TGFBR3: variants seen among roughly 807,000 people sequenced by gnomAD.
TGFBR3 encodes transforming growth factor beta receptor type 3.
Under a neutral mutation model 87.9 loss-of-function variants are expected in TGFBR3, and 46 were observed. The observed-to-expected ratio is 0.52, with a 90% confidence interval of 0.41 to 0.67. The LOEUF (loss-of-function observed/expected upper bound fraction) is 0.67. Among genes scored for constraint, TGFBR3 ranks in the 30% least tolerant of loss-of-function variants. The pLI, the probability that TGFBR3 is intolerant of heterozygous loss-of-function variation, is 0.00. For missense variants in TGFBR3, 866 were observed against 1,041.9 expected (o/e 0.83, Z 2.32); for synonymous variants, 381 against 391.6 (o/e 0.97, Z 0.32).
At chr1:91,890,152 G>C (rs1392739165), upstream of TGFBR3, among the ~76,000 whole-genome samples, 1 of 152,078 alleles carries the variant, frequency 6.6e-6, no homozygotes, top group Admixed American at 6.6e-5. Context: ...TAAGCAGGGG[G>C]GTGAAATTGA....
At chr1:91,770,830 A>C (rs1274491393) in intron 3 of TGFBR3, 3 of 152,238 alleles carry the variant, frequency 2.0e-5, no homozygotes, top group African/African-American at 7.2e-5. Flanking sequence ...TGTGATGTGT[A>C]CACATACTTA....
intron 3 of TGFBR3, among the ~76,000 whole-genome samples, chr1:91,777,399 T>C (rs1041761627): frequency 4.6e-5 from 7 of 152,194 alleles, no homozygotes; most frequent in Admixed American, 2.6e-4. Context: ...ACATATTTCA[T>C]ACTCAACTCG....
intron 1 of TGFBR3, among the ~76,000 whole-genome samples, chr1:91,870,152 A>G (rs1247659796): frequency 6.6e-6 from 1 of 152,208 alleles, no homozygotes; most frequent in African/African-American, 2.4e-5. Context: ...GCACACAAAA[A>G]ACCTGAATTT....
At chr1:91,807,696 C>G (rs284156) in intron 2 of TGFBR3, among the ~76,000 whole-genome samples, 57,656 of 152,010 alleles carry the variant, frequency 0.38, 11,322 homozygotes, top group South Asian at 0.44. Flanking sequence ...CTGCAGCCCT[C>G]TGAGGAAGTG....
intron 1 of TGFBR3, among the ~76,000 whole-genome samples, chr1:91,904,019 CA>C (rs954939008): frequency 2.8e-4 from 43 of 151,614 alleles, no homozygotes; most frequent in African/African-American, 1.0e-3. Context: ...ACTAAAAATA[CA>C]AAAAAAATTA....
intron 1 of TGFBR3, among the ~76,000 whole-genome samples, chr1:91,864,596 G>C (rs1468484888): frequency 3.3e-5 from 5 of 152,174 alleles, no homozygotes; most frequent in African/African-American, 1.2e-4. Context: ...AATCTCCCCA[G>C]TGTGGTGAAA....
chr1:91,685,073 T>C (rs2100685955), intron 16 of TGFBR3, among the ~76,000 whole-genome samples: 1 of 152,284 alleles, frequency 6.6e-6, no homozygotes, highest in Admixed American at 6.5e-5. Context: ...AAAGCCTCTG[T>C]GAAAAAAGCA....
At chr1:91,844,305 T>C (rs145183259) in intron 2 of TGFBR3, among the ~76,000 whole-genome samples, 64 of 152,298 alleles carry the variant, frequency 4.2e-4, no homozygotes, top group African/African-American at 1.5e-3. Flanking sequence ...TTCATCATTA[T>C]TAATGAAGAG....
rs751156484 is a variant in TGFBR3, at chr1:91,683,667, T to C, written c.*72A>G. On this transcript the variant is annotated 3_prime_UTR_variant, in exon 17 of 17. Coordinates refer to ENST00000212355, the MANE Select transcript of TGFBR3 (RefSeq NM_003243.5). ...TGAGTCTGGACACGAGGCTCAGCCA[T>C]TGGTCCTGCCCTTGGCAGTAGCTGA... The C allele has an allele frequency of 1.7e-5, 22 of 1,269,272 alleles. No homozygotes were observed. The highest frequency in any genetic ancestry group is 2.2e-5 in the Non-Finnish European group (20 of 909,352). 78.6% of individuals were successfully genotyped at this position (1,269,272 alleles called of 1,614,324 possible).
chr1:91,750,816 C>T (rs1673514051), intron 4 of TGFBR3, among the ~76,000 whole-genome samples: 1 of 152,216 alleles, frequency 6.6e-6, no homozygotes, highest in African/African-American at 2.4e-5. Context: ...ACCCATTTGC[C>T]ACATGCTGTT....
chr1:91,768,766 G>A (rs1674272695), intron 3 of TGFBR3, among the ~76,000 whole-genome samples: 1 of 152,158 alleles, frequency 6.6e-6, no homozygotes, highest in East Asian at 1.9e-4. Flanking sequence ...TTCCTGTACT[G>A]CCTGGAGAAT....
At chr1:91,708,810 A>C (rs1671886450) in intron 13 of TGFBR3, 27 bp from the exon 14 acceptor site, 1 of 1,612,626 alleles carries the variant, frequency 6.2e-7, no homozygotes, top group Non-Finnish European at 8.5e-7. Context: ...CAAAGCACAG[A>C]ATCAGGGGCC....
intron 11 of TGFBR3, 55 bp downstream of exon 11, chr1:91,716,513 G>A (rs1672177617): frequency 1.2e-6 from 2 of 1,614,018 alleles, no homozygotes; most frequent in Non-Finnish European, 1.7e-6. Flanking sequence ...CCTAACTAAA[G>A]CCAACAAAAT....
intron 2 of TGFBR3, among the ~76,000 whole-genome samples, chr1:91,849,509 T>C (rs961520714): frequency 4.6e-5 from 7 of 152,212 alleles, no homozygotes; most frequent in African/African-American, 1.7e-4. Context: ...TGCTCAATGT[T>C]CCTAGTGAAG....
intron 2 of TGFBR3, among the ~76,000 whole-genome samples, chr1:91,816,491 T>C (rs1044083625): frequency 2.0e-5 from 3 of 152,210 alleles, no homozygotes; most frequent in African/African-American, 7.2e-5. Context: ...TTGGATAACA[T>C]ATTATTTTGT....
intron 3 of TGFBR3, among the ~76,000 whole-genome samples, chr1:91,794,643 G>A (rs981130654): frequency 2.0e-5 from 3 of 152,158 alleles, no homozygotes; most frequent in African/African-American, 7.2e-5. Context: ...GGAATCATAT[G>A]ATATGTGGTC....
intron 1 of TGFBR3, among the ~76,000 whole-genome samples, chr1:91,884,316 C>G (rs1315102495): frequency 7.3e-6 from 1 of 137,666 alleles, no homozygotes; most frequent in African/African-American, 2.9e-5. Context: ...GAGACTCTGT[C>G]ACCAAAAAAA....
chr1:91,708,659 A>G lies in TGFBR3; in HGVS notation c.2287+4T>C, dbSNP rs1671881484. 6 of 1,614,002 alleles carry G rather than the reference A, an allele frequency of 3.7e-6. No individual in the cohort carries two copies. Among genetic ancestry groups the G allele is most frequent in the Non-Finnish European group, 5.1e-6 (6 of 1,179,922 alleles). ...ATGCTCTGATCGTGCCTCCCAAAGC[A>G]CACCTTTAGATTCTGCTTCATGGTG... On this transcript the variant is annotated splice_donor_region_variant and intron_variant, in intron 14 of 16. Transcript: ENST00000212355.
chr1:91,710,748 A>T (rs284866), intron 13 of TGFBR3, among the ~76,000 whole-genome samples: 142,267 of 152,226 alleles, frequency 0.93, 66,584 homozygotes, highest in Admixed American at 0.94. Context: ...TTATAACAGT[A>T]TATGAGGAAA....
Sources: gnomAD v4.1 joint callset for allele counts (sites outside exome capture counted in the v4.1 genomes callset) on GRCh38, gnomAD v4.1.1 for gene constraint, MANE v1.5 for transcripts, NCBI Gene and HGNC (gene_info 2026-07-23, HGNC 2026-07-21) for gene names.